MTHFD1: variants seen among roughly 807,000 people sequenced by gnomAD.
The protein encoded by MTHFD1 is methylenetetrahydrofolate dehydrogenase, cyclohydrolase and formyltetrahydrofolate synthetase 1.
A neutral mutation model predicts 110.3 loss-of-function variants in MTHFD1; 44 were observed. The observed-to-expected ratio is 0.40, with a 90% CI of 0.31 to 0.51. MTHFD1 has a LOEUF of 0.51. Ranked by LOEUF, MTHFD1 falls within the 20% of genes least tolerant of loss-of-function variation. The pLI is 0.60. For missense variants in MTHFD1, 909 were observed against 1,173.1 expected (o/e 0.77, Z 3.29); for synonymous variants, 402 against 428.8 (o/e 0.94, Z 0.77).
chr14:64,413,220 C>T (rs1283509652), intron 4 of MTHFD1, among the ~76,000 whole-genome samples: 1 of 151,912 alleles, frequency 6.6e-6, no homozygotes, highest in Non-Finnish European at 1.5e-5. Flanking sequence ...GGCGTGGTGG[C>T]GCATGCCTGT....
intron 22 of MTHFD1, 92 bp downstream of exon 22, chr14:64,444,826 T>TAACCCATTC: frequency 7.1e-7 from 1 of 1,405,468 alleles, no homozygotes; most frequent in Non-Finnish European, 1.0e-6. Flanking sequence ...ATGAATGGGT[T>TAACCCATTC]ATTGCTGTGA....
chr14:64,412,336 G>A (rs956291536), intron 3 of MTHFD1, 136 bp from the exon 4 acceptor site: 38 of 726,128 alleles, frequency 5.2e-5, no homozygotes, highest in Middle Eastern at 2.3e-4. Context: ...GTTGAAGTGA[G>A]GGACTCATTC....
chr14:64,426,232 C>G, intron 11 of MTHFD1, 40 bp downstream of exon 11: 1 of 1,612,010 alleles, frequency 6.2e-7, no homozygotes, highest in Non-Finnish European at 8.5e-7. Context: ...ATCTTAGTAT[C>G]AGTCCTGATA....
intron 2 of MTHFD1, among the ~76,000 whole-genome samples, chr14:64,403,942 G>A (rs1016077679): frequency 6.6e-6 from 1 of 152,208 alleles, no homozygotes; most frequent in Admixed American, 6.5e-5. Flanking sequence ...GTGTGGTAGT[G>A]AAGGATACCT....
intron 25 of MTHFD1, among the ~76,000 whole-genome samples, chr14:64,454,152 GC>G (rs796989973): frequency 6.6e-5 from 10 of 152,280 alleles, no homozygotes; most frequent in African/African-American, 2.4e-4. Context: ...TGGCTCCATT[GC>G]CCAGGCTAGA....
At chr14:64,457,259 G>A (rs11627387) in intron 26 of MTHFD1, among the ~76,000 whole-genome samples, 41,859 of 151,962 alleles carry the variant, frequency 0.28, 5,918 homozygotes, top group East Asian at 0.42. Flanking sequence ...TTAAAAGCAG[G>A]CAAGCCCTGT....
chr14:64,432,824 A>T (rs1464150952), intron 15 of MTHFD1, among the ~76,000 whole-genome samples: 1 of 152,174 alleles, frequency 6.6e-6, no homozygotes, highest in Non-Finnish European at 1.5e-5. Flanking sequence ...GCACAATCAC[A>T]GCTCACTATA....
intron 17 of MTHFD1, among the ~76,000 whole-genome samples, chr14:64,439,900 A>G (rs1392952315): frequency 2.0e-5 from 3 of 147,278 alleles, no homozygotes; most frequent in Admixed American, 6.8e-5. Flanking sequence ...TCTCCAAAAA[A>G]AAAAAAAAAA....
intron 2 of MTHFD1, among the ~76,000 whole-genome samples, chr14:64,406,940 G>A (rs984349654): frequency 2.0e-5 from 3 of 152,166 alleles, no homozygotes; most frequent in Non-Finnish European, 4.4e-5. Flanking sequence ...CTTGCCCAAA[G>A]CCAGTCAGGA....
intron 22 of MTHFD1, among the ~76,000 whole-genome samples, chr14:64,447,449 C>T (rs1013776339): frequency 4.1e-5 from 6 of 146,442 alleles, no homozygotes; most frequent in South Asian, 2.1e-4. Context: ...CCACCAGGTC[C>T]GGCCCTTTTT....
In MTHFD1 at chr14:64,417,835, A is replaced by G; in HGVS notation, c.479-53A>G. 2 of 1,610,434 alleles carry G rather than the reference A, an allele frequency of 1.2e-6. No individual in the cohort carries two copies. Among genetic ancestry groups the G allele is most frequent in the Non-Finnish European group, 8.5e-7 (1 of 1,178,680 alleles). On this transcript the variant is annotated intron_variant, in intron 6 of 27. Transcript: ENST00000652337. The surrounding 1 kb of genome is among the most constrained non-coding windows in gnomAD (Gnocchi z 4.4). ...TTCTAATTTCTCCACGTGGCATGCG[A>G]AGGAGGGCAGCTTCTATCCTCCAAC... is the stretch of plus-strand genomic sequence containing the variant.
chr14:64,396,764 A>G (rs945998502), intron 1 of MTHFD1, among the ~76,000 whole-genome samples: 1 of 151,574 alleles, frequency 6.6e-6, no homozygotes, highest in African/African-American at 2.4e-5. Flanking sequence ...AATGAACAAA[A>G]TGGGAATAAA....
At chr14:64,426,241 T>G in intron 11 of MTHFD1, 49 bp downstream of exon 11, 2 of 1,608,988 alleles carry the variant, frequency 1.2e-6, no homozygotes, top group Non-Finnish European at 1.7e-6. Context: ...TCAGTCCTGA[T>G]ACTAAGGCGT....
chr14:64,428,016 T>C (rs1423448893), intron 12 of MTHFD1, among the ~76,000 whole-genome samples: 1 of 152,090 alleles, frequency 6.6e-6, no homozygotes, highest in African/African-American at 2.4e-5. Context: ...CCAGAGTGAT[T>C]CTTCCATGTC....
intron 26 of MTHFD1, among the ~76,000 whole-genome samples, chr14:64,457,458 C>CT (rs2078493227): frequency 6.9e-6 from 1 of 144,996 alleles, no homozygotes; most frequent in Non-Finnish European, 1.5e-5. Flanking sequence ...CTTTTCTTTT[C>CT]CTTTTTTTTT....
In MTHFD1 at chr14:64,458,308, G is replaced by C; in HGVS notation, c.*4+1G>C. The C allele has an allele frequency of 6.2e-7, 1 of 1,604,876 alleles. No homozygotes were observed. Among genetic ancestry groups the C allele is most frequent in the Middle Eastern group, 1.7e-4 (1 of 6,050 alleles). ...CAGGTGAATGGATTATTCTAAACAG[G>C]TAAGTTGTTACTGGGTAATAATTTG... On this transcript the variant is annotated splice_donor_variant, in intron 27 of 27. Coordinates refer to ENST00000652337, the MANE Select transcript of MTHFD1 (RefSeq NM_005956.4). LOFTEE classifies it low-confidence loss of function (3UTR_SPLICE).
In MTHFD1 at chr14:64,408,285, C is replaced by CCTT. The variant is rs34166790; in HGVS notation, c.127-2805_127-2804insCTT. ...CCACCTTCAAGGAGAAATCAGCATT[C>CCTT]TTTTTTTTTTTTTTTTTTTTGAGAT... On this transcript the variant is annotated intron_variant, in intron 2 of 27. Coordinates refer to ENST00000652337, the MANE Select transcript of MTHFD1 (RefSeq NM_005956.4). Among the ~76,000 whole-genome samples the CCTT allele has an allele frequency of 8.1e-3, 987 of 121,112 alleles. 142 individuals carry two copies. Among genetic ancestry groups the CCTT allele is most frequent in the Middle Eastern group, 0.013 (3 of 226 alleles). 79.5% of individuals were successfully genotyped at this position (121,112 alleles called of 152,430 possible). A position where few individuals can be genotyped will look rare whatever the true frequency, so the allele number is the denominator to read the frequency against.
intron 8 of MTHFD1, 91 bp from the exon 9 acceptor site, chr14:64,424,713 A>C: frequency 7.0e-7 from 1 of 1,436,450 alleles, no homozygotes; most frequent in South Asian, 1.2e-5. Context: ...TGGGACTAAC[A>C]CACCCTACAA....
intron 2 of MTHFD1, among the ~76,000 whole-genome samples, chr14:64,408,817 C>T (rs563476629): frequency 1.5e-4 from 23 of 152,114 alleles, no homozygotes; most frequent in African/African-American, 1.4e-4. Context: ...TTTGTGGCAG[C>T]GTGTACTGGT....
Sources: allele counts gnomAD v4.1 joint callset (sites outside exome capture counted in the v4.1 genomes callset), GRCh38; gene constraint gnomAD v4.1.1; non-coding constraint Gnocchi (gnomAD v3.1); transcripts MANE v1.5; gene names NCBI Gene and HGNC (gene_info 2026-07-23, HGNC 2026-07-21).